CTDP1: variants seen among roughly 807,000 people sequenced by gnomAD.
CTDP1 encodes CTD phosphatase 1.
A neutral mutation model predicts 91.8 loss-of-function variants in CTDP1; 47 were observed. The observed-to-expected ratio is 0.51, with a 90% CI of 0.41 to 0.65. The LOEUF (loss-of-function observed/expected upper bound fraction) is 0.65. CTDP1 is among the 30% of genes least tolerant of loss of function. The pLI, the probability that CTDP1 is intolerant of heterozygous loss-of-function variation, is 0.00. For missense variants in CTDP1, 1,272 were observed against 1,373.7 expected, an observed-to-expected ratio of 0.93 and a Z score of 1.17; for synonymous variants, 656 against 598.5, an observed-to-expected ratio of 1.10 and a Z score of -1.40.
At chr18:79,696,576 G>T (rs909950040) in intron 3 of CTDP1, among the ~76,000 whole-genome samples, 2 of 152,172 alleles carry the variant, frequency 1.3e-5, no homozygotes, top group Non-Finnish European at 2.9e-5. Context: ...AGCGGCTGCT[G>T]CTGGCACCAT....
At chr18:79,687,891 G>A (rs1463405674) in intron 1 of CTDP1, among the ~76,000 whole-genome samples, 2 of 152,226 alleles carry the variant, frequency 1.3e-5, no homozygotes, top group African/African-American at 4.8e-5. Context: ...TGTGGTGCAC[G>A]TGGTGCCACG....
chr18:79,679,372 G>C (rs149940618), upstream of CTDP1: 68 of 453,986 alleles, frequency 1.5e-4, no homozygotes, highest in East Asian at 4.2e-3. Flanking sequence ...GGGACCCGTA[G>C]TCCCGCGACG....
chr18:79,746,684 A>G (rs918847686), intron 12 of CTDP1, among the ~76,000 whole-genome samples: 2 of 152,196 alleles, frequency 1.3e-5, no homozygotes, highest in African/African-American at 2.4e-5. Flanking sequence ...TGGCACGATC[A>G]TGGCTCACTG....
intron 1 of CTDP1, 67 bp downstream of exon 1, chr18:79,680,328 G>A (rs2085334327): frequency 5.0e-6 from 6 of 1,196,014 alleles, no homozygotes; most frequent in Non-Finnish European, 6.3e-6. Flanking sequence ...GAGGACCCCC[G>A]GGCTGCTGCG....
chr18:79,717,792 G>T lies in CTDP1; in HGVS notation c.2211-18G>T. The T allele has an allele frequency of 6.2e-7, 1 of 1,613,740 alleles. No homozygotes were observed. The highest frequency in any genetic ancestry group is 8.5e-7 in the Non-Finnish European group (1 of 1,179,978). On this transcript the variant is annotated intron_variant, in intron 9 of 12. Transcript: ENST00000613122. Reference sequence around the variant, plus strand: ...CCCGGACGCCCCGCTCATGGCCCTCGTTCTCTTCCTCCGACAGGGAGAACA... The same window carrying T: ...CCCGGACGCCCCGCTCATGGCCCTCTTTCTCTTCCTCCGACAGGGAGAACA...
intron 1 of CTDP1, among the ~76,000 whole-genome samples, chr18:79,682,538 G>A (rs74337849): frequency 0.033 from 4,987 of 152,294 alleles, 130 homozygotes; most frequent in Non-Finnish European, 0.052. Flanking sequence ...GCTAACCCTC[G>A]AACAACTTGC....
chr18:79,732,145 A>G (rs1046212231), intron 11 of CTDP1, among the ~76,000 whole-genome samples: 45 of 142,124 alleles, frequency 3.2e-4, no homozygotes, highest in East Asian at 1.3e-3. Context: ...CGTGAGACAT[A>G]AGAACTAACA....
rs568440213 is a variant in CTDP1 at position 79,738,099 on chromosome 18, T to C, written c.2747+1578T>C. On this transcript the variant is annotated intron_variant, in intron 12 of 12. Coordinates refer to ENST00000613122, the MANE Select transcript of CTDP1 (RefSeq NM_004715.5). ...TGGGGTGTTCTCTGTCTCTGCATTT[T>C]GGTGGAGTACATCTCCCAGAAGCTT... 5.5e-3 allele frequency among the ~76,000 whole-genome samples: 833 copies of C among 151,882 alleles called. 8 individuals carry two copies. The highest frequency in any genetic ancestry group is 0.019 in the African/African-American group (778 of 41,292).
intron 5 of CTDP1, among the ~76,000 whole-genome samples, chr18:79,705,302 C>G (rs565114817): frequency 5.9e-5 from 9 of 152,324 alleles, no homozygotes; most frequent in African/African-American, 2.2e-4. Flanking sequence ...TGTCCCCTGC[C>G]TACACATGGG....
chr18:79,704,086 T>G (rs1365610989), intron 4 of CTDP1, among the ~76,000 whole-genome samples: 1 of 152,192 alleles, frequency 6.6e-6, no homozygotes, highest in African/African-American at 2.4e-5. Context: ...GTTATCCTAG[T>G]TACCACGGGC....
intron 12 of CTDP1, among the ~76,000 whole-genome samples, chr18:79,742,609 G>C (rs1330142865): frequency 6.6e-6 from 1 of 152,236 alleles, no homozygotes. Context: ...GTAGCGTGTT[G>C]CTTCTCCTTT....
intron 6 of CTDP1, among the ~76,000 whole-genome samples, chr18:79,711,991 C>T (rs200054491): frequency 1.3e-5 from 2 of 149,642 alleles, no homozygotes; most frequent in Non-Finnish European, 3.0e-5. Flanking sequence ...TCTCGGTGGC[C>T]AGTCCCCACA....
Position 79,711,073 on chromosome 18 carries a change from G to GC in CTDP1, c.863+637_863+638insC, listed in dbSNP as rs369710417. 7.8e-3 allele frequency among the ~76,000 whole-genome samples: 1,189 copies of GC among 152,138 alleles called. 12 individuals are homozygous for GC. The highest frequency in any genetic ancestry group is 0.027 in the African/African-American group (1,123 of 41,480). On this transcript the variant is annotated intron_variant, in intron 6 of 12. Coordinates refer to ENST00000613122, the MANE Select transcript of CTDP1 (RefSeq NM_004715.5). ...CCTTGAGCTGGGCTTTTGTGTCTGT[G>GC]GAGGCGGGGACTGTCATCCTCTCTG...
In CTDP1 at chr18:79,715,206, G is replaced by A. The variant is rs2086179254; in HGVS notation, c.1746G>A (p.Glu582=). The A allele has an allele frequency of 3.1e-6, 5 of 1,611,074 alleles. No homozygotes were observed. The highest frequency in any genetic ancestry group is 4.2e-6 in the Non-Finnish European group (5 of 1,178,806). ...LDQSMEEEEE[E]DTDEDDHLIY... ...AGAGCATGGAGGAGGAGGAGGAGGA[G>A]GACACGGATGAGGATGACCACCTCA... Residue 582 remains glutamate (E), a synonymous_variant, in exon 8 of 13, where the codon GAG becomes GAA. Coordinates refer to ENST00000613122, the MANE Select transcript of CTDP1 (RefSeq NM_004715.5).
intron 11 of CTDP1, among the ~76,000 whole-genome samples, chr18:79,731,899 C>G (rs1237525581): frequency 6.6e-6 from 1 of 152,160 alleles, no homozygotes; most frequent in Non-Finnish European, 1.5e-5. Context: ...ATCAGGAGTG[C>G]TCCCAAAATC....
intron 1 of CTDP1, among the ~76,000 whole-genome samples, chr18:79,684,830 G>GT (rs1161088380): frequency 6.6e-6 from 1 of 152,190 alleles, no homozygotes. Context: ...CTATCTGGCA[G>GT]AAGTAAGAAC....
At chr18:79,704,455 C>G (rs374807501) in intron 4 of CTDP1, among the ~76,000 whole-genome samples, 1 of 151,598 alleles carries the variant, frequency 6.6e-6, no homozygotes, top group East Asian at 1.9e-4. Flanking sequence ...TGTACACGCA[C>G]ACGTGTCCTC....
chr18:79,683,501 C>T (rs2085418034), intron 1 of CTDP1, among the ~76,000 whole-genome samples: 1 of 152,164 alleles, frequency 6.6e-6, no homozygotes. Flanking sequence ...AAGGAGGTCC[C>T]TTTTAACAGG....
chr18:79,718,372 C>T (rs549117460), intron 10 of CTDP1, among the ~76,000 whole-genome samples: 3 of 152,198 alleles, frequency 2.0e-5, no homozygotes, highest in Non-Finnish European at 4.4e-5. Context: ...CCTCCCCACT[C>T]GCCTCACCAT....
Sources: allele counts gnomAD v4.1 joint callset (sites outside exome capture counted in the v4.1 genomes callset), GRCh38; gene constraint gnomAD v4.1.1; transcripts MANE v1.5; gene names NCBI Gene and HGNC (gene_info 2026-07-23, HGNC 2026-07-21).